The following SPMIP2 variants were observed in gnomAD, a reference collection of about 807,000 sequenced individuals.
SPMIP2 encodes sperm microtubule inner protein 2, also known as protein SPMIP2.
the SPMIP2 span, among the ~76,000 whole-genome samples, chr4:158,939,160 G>T: frequency 6.6e-6 from 1 of 152,168 alleles, no homozygotes; most frequent in South Asian, 2.1e-4. Context: ...TTGGAGTGAA[G>T]GTTCTTTGGG....
At chr4:158,930,256 G>A in the SPMIP2 span, among the ~76,000 whole-genome samples, 1 of 148,464 alleles carries the variant, frequency 6.7e-6, no homozygotes, top group Non-Finnish European at 1.5e-5. Flanking sequence ...CTATCACCTA[G>A]GCTGGAGTGC....
the SPMIP2 span, among the ~76,000 whole-genome samples, chr4:159,000,033 T>C: frequency 1.3e-5 from 2 of 152,208 alleles, no homozygotes; most frequent in African/African-American, 4.8e-5. Flanking sequence ...TTCTTTTTTT[T>C]TTAAACCAGC....
chr4:158,898,197 A>G, the SPMIP2 span, among the ~76,000 whole-genome samples: 5 of 152,126 alleles, frequency 3.3e-5, no homozygotes, highest in Non-Finnish European at 5.9e-5. Context: ...ATTGGTCTGT[A>G]TATCTGTTTT....
the SPMIP2 span, among the ~76,000 whole-genome samples, chr4:158,999,300 C>A: frequency 6.6e-6 from 1 of 151,936 alleles, no homozygotes; most frequent in Non-Finnish European, 1.5e-5. Context: ...CAATTATAGA[C>A]AAGTTAAATG....
the SPMIP2 span, among the ~76,000 whole-genome samples, chr4:158,916,119 A>G: frequency 4.6e-5 from 7 of 152,302 alleles, no homozygotes; most frequent in East Asian, 3.9e-4. Context: ...GGAGATTTGC[A>G]TCGCCCTTCA....
At chr4:159,048,547 C>G in the SPMIP2 span, among the ~76,000 whole-genome samples, 2 of 151,958 alleles carry the variant, frequency 1.3e-5, no homozygotes, top group African/African-American at 4.8e-5. Context: ...TAACCTAGAG[C>G]CACCGAGCCA....
At chr4:159,065,034 G>A in the SPMIP2 span, among the ~76,000 whole-genome samples, 2 of 152,174 alleles carry the variant, frequency 1.3e-5, no homozygotes, top group African/African-American at 4.8e-5. Context: ...GAATGGTGAC[G>A]GGGAAGATGC....
chr4:158,969,446 T>A, the SPMIP2 span, among the ~76,000 whole-genome samples: 3 of 152,218 alleles, frequency 2.0e-5, no homozygotes, highest in Non-Finnish European at 4.4e-5. Flanking sequence ...AGTAATGGTC[T>A]GTCCTTGTTT....
the SPMIP2 span, chr4:158,915,147 T>C: frequency 5.7e-6 from 9 of 1,591,400 alleles, no homozygotes; most frequent in Admixed American, 1.6e-4. Context: ...TCTATGACGA[T>C]TTAGAAAAGC....
chr4:158,934,201 C>A, the SPMIP2 span, among the ~76,000 whole-genome samples: 5 of 152,232 alleles, frequency 3.3e-5, no homozygotes, highest in African/African-American at 1.2e-4. Context: ...TGGCTCACAC[C>A]CGTAATCCCA....
chr4:159,037,322 A>G, the SPMIP2 span, among the ~76,000 whole-genome samples: 1 of 152,162 alleles, frequency 6.6e-6, no homozygotes, highest in Non-Finnish European at 1.5e-5. Flanking sequence ...GTGTTGTTTC[A>G]GTTTTTAGAA....
the SPMIP2 span, among the ~76,000 whole-genome samples, chr4:158,993,830 C>A: frequency 6.6e-6 from 1 of 152,146 alleles, no homozygotes; most frequent in Non-Finnish European, 1.5e-5. Context: ...AAAACTCAGA[C>A]AACATTAAAC....
the SPMIP2 span, among the ~76,000 whole-genome samples, chr4:159,070,895 T>C: frequency 6.6e-6 from 1 of 152,184 alleles, no homozygotes; most frequent in African/African-American, 2.4e-5. Flanking sequence ...CGAGAACTCA[T>C]CCTCTAAGGA....
the SPMIP2 span, among the ~76,000 whole-genome samples, chr4:158,939,427 C>G: frequency 6.6e-6 from 1 of 152,130 alleles, no homozygotes; most frequent in African/African-American, 2.4e-5. Context: ...CCCATAATAT[C>G]TTTTGATATG....
the SPMIP2 span, among the ~76,000 whole-genome samples, chr4:158,897,304 A>C: frequency 6.6e-6 from 1 of 152,156 alleles, no homozygotes; most frequent in Non-Finnish European, 1.5e-5. Context: ...GTAAACATAC[A>C]TGTGCGTGTG....
the SPMIP2 span, among the ~76,000 whole-genome samples, chr4:158,914,037 TAAG>T: frequency 2.4e-3 from 369 of 152,276 alleles, 3 homozygotes; most frequent in Non-Finnish European, 1.6e-3. Context: ...GAAATCAAAA[TAAG>T]AAGTCTTTTA....
At chr4:158,988,217 C>T in the SPMIP2 span, among the ~76,000 whole-genome samples, 1 of 152,136 alleles carries the variant, frequency 6.6e-6, no homozygotes, top group East Asian at 1.9e-4. Flanking sequence ...CTGAATAGAC[C>T]AATAACAAGT....
At chr4:158,955,576 T>C in the SPMIP2 span, among the ~76,000 whole-genome samples, 1 of 152,142 alleles carries the variant, frequency 6.6e-6, no homozygotes, top group Non-Finnish European at 1.5e-5. Context: ...TGGCTAATTT[T>C]TGTGTTTTTA....
chr4:159,082,388 C>G, the SPMIP2 span, among the ~76,000 whole-genome samples: 1 of 147,888 alleles, frequency 6.8e-6, no homozygotes. Flanking sequence ...AGGAGATAAA[C>G]CATAAAGAAG....
Sources: gnomAD v4.1 joint callset for allele counts (sites outside exome capture counted in the v4.1 genomes callset) on GRCh38, gnomAD v4.1.1 for gene constraint, MANE v1.5 for transcripts, NCBI Gene and HGNC (gene_info 2026-07-23, HGNC 2026-07-21) for gene names.